The following DMKN variants were observed in gnomAD, a reference collection of about 807,000 sequenced individuals.
DMKN encodes dermokine.
Under a neutral mutation model 67.6 loss-of-function variants are expected in DMKN, and 58 were observed. The ratio of observed to expected loss-of-function variants is 0.86; its 90% CI spans 0.69 to 1.07. The LOEUF is 1.07. Ranked by LOEUF, DMKN falls within the 50% of genes least tolerant of loss-of-function variation. The pLI, the probability that DMKN is intolerant of heterozygous loss-of-function variation, is 0.00. For missense variants in DMKN, 596 were observed against 601.5 expected, an observed-to-expected ratio of 0.99 and a Z score of 0.10; for synonymous variants, 240 against 232.3, an observed-to-expected ratio of 1.03 and a Z score of -0.30.
chr19:35,513,130 G>A lies in DMKN; in HGVS notation c.346C>T (p.Gln116Ter). Residue 116 changes from glutamine (Q) to a stop codon, truncating the protein, a stop_gained, in exon 1 of 16, where the codon CAG (glutamine) becomes TAG (stop). Transcript: ENST00000339686. LOFTEE classifies it high-confidence loss of function. ...LGNTGHEIGR[Q>*]AEDVIRHGAD... Reference sequence around the variant, plus strand: ...CCGTGTCGAATGACATCTTCTGCCTGTCTGCCAATCTCGTGCCCAGTGTTT... The same window carrying A: ...CCGTGTCGAATGACATCTTCTGCCTATCTGCCAATCTCGTGCCCAGTGTTT... 1 of 1,614,166 alleles carries A rather than the reference G, an allele frequency of 6.2e-7. No homozygotes were observed. The highest frequency in any genetic ancestry group is 8.5e-7 in the Non-Finnish European group (1 of 1,180,032).
chr19:35,504,692 A>G (rs890611193), intron 9 of DMKN, among the ~76,000 whole-genome samples: 3 of 152,094 alleles, frequency 2.0e-5, no homozygotes, highest in African/African-American at 4.8e-5. Flanking sequence ...TGTCTCCTCA[A>G]TCTCCTTCCT....
At chr19:35,508,388 A>G in intron 7 of DMKN, 1 of 866,038 alleles carries the variant, frequency 1.2e-6, no homozygotes, top group South Asian at 1.9e-5. Flanking sequence ...TTTTTTTAGG[A>G]GAATGAAAGT....
rs2069356370 is a variant in DMKN, at chr19:35,505,762, A to C, written c.1090T>G (p.Phe364Val). 2 of 1,614,056 alleles carry C rather than the reference A, an allele frequency of 1.2e-6. No homozygotes were observed. The highest frequency in any genetic ancestry group is 1.3e-5 in the African/African-American group (1 of 74,910). ...MFNFDTFWKN[F>V]KSKLGFINWD... ...TTGATGAAACCCAGCTTGGATTTAA[A>C]ATTCTATGGAGGAAACAAAAAGAAG... Residue 364 changes from phenylalanine (F) to valine (V), a missense_variant, in exon 9 of 16, where the codon TTT becomes GTT. By Grantham distance (50) the Phe-to-Val change is conservative. Transcript: ENST00000339686.
chr19:35,500,127 T>C lies in DMKN; in HGVS notation c.1288-98A>G, dbSNP rs536956004. The C allele has an allele frequency of 4.2e-6, 6 of 1,411,896 alleles. No homozygotes were observed. The African/African-American group carries it at 8.5e-5, about 20-fold the overall frequency. 87.5% of individuals were successfully genotyped at this position (1,411,896 alleles called of 1,614,324 possible). ...CTTCCTGCCTGGACCAGACCTTTCCTAAAACACCTGCCTGCTCCCCTCCTT... is the reference window on the plus strand; with the variant it reads ...CTTCCTGCCTGGACCAGACCTTTCCCAAAACACCTGCCTGCTCCCCTCCTT... On this transcript the variant is annotated intron_variant, in intron 12 of 15. Coordinates refer to ENST00000339686, the MANE Select transcript of DMKN (RefSeq NM_033317.5).
rs199524471 is a variant in DMKN, at chr19:35,498,762, G to A, written c.1385C>T (p.Ala462Val). ...AKGGVSPSSSASRVQPGLLQW... is the reference protein window; with the variant it reads ...AKGGVSPSSSVSRVQPGLLQW... ...CAGCAGGCCAGGTTGCACCCGGGAA[G>A]CCTGCCAGAAAAAGAGAAAGTCTGA... Residue 462 changes from alanine (A) to valine (V), a missense_variant and splice_region_variant, in exon 15 of 16, where the codon GCT becomes GTT. Physicochemically the swap from Ala to Val is moderately conservative, Grantham distance 64 (BLOSUM62 0). Coordinates refer to ENST00000339686, the MANE Select transcript of DMKN (RefSeq NM_033317.5). 76 of 1,614,112 alleles carry A rather than the reference G, an allele frequency of 4.7e-5. No homozygotes were observed. The highest frequency in any genetic ancestry group is 5.6e-5 in the Non-Finnish European group (66 of 1,180,048).
chr19:35,512,901 G>T, intron 1 of DMKN, 111 bp from the exon 2 acceptor site: 2 of 1,503,968 alleles, frequency 1.3e-6, no homozygotes, highest in Non-Finnish European at 1.8e-6. Flanking sequence ...GGACTCCAGG[G>T]TGGCATAGGA....
At chr19:35,508,279 G>T in intron 7 of DMKN, 1 of 1,550,672 alleles carries the variant, frequency 6.4e-7, no homozygotes, top group Non-Finnish European at 8.7e-7. Context: ...CCCTGCTGAA[G>T]ATCCTGAGGC....
chr19:35,512,360 C>T, intron 3 of DMKN, 61 bp downstream of exon 3: 6 of 1,585,924 alleles, frequency 3.8e-6, no homozygotes, highest in Non-Finnish European at 5.1e-6. Flanking sequence ...TTGTCTTTCC[C>T]CAGCTCTCTG....
chr19:35,500,572 G>A lies in DMKN; in HGVS notation c.1248C>T (p.Asp416=), dbSNP rs781252940. 52 of 1,609,114 alleles carry A rather than the reference G, an allele frequency of 3.2e-5. No homozygotes were observed. The highest frequency in any genetic ancestry group is 3.2e-4 in the African/African-American group (24 of 74,820). ...CTGCACGTTTCTGCAGTGATGACGC[G>A]TCCGCACCCTGAAAGGAAGAAGGGG... ...LNWKAIIEGA[D]ASSLQKRAGR... The change falls in exon 12 of 16, where the codon GAC becomes GAT. Residue 416 remains aspartate, a synonymous_variant. Transcript: ENST00000339686.
Position 35,510,171 on chromosome 19 carries a change from G to A in DMKN, c.987+13C>T, listed in dbSNP as rs779089785. The A allele has an allele frequency of 6.2e-7, 1 of 1,603,204 alleles. No individual in the cohort carries two copies. The highest frequency in any genetic ancestry group is 8.5e-7 in the Non-Finnish European group (1 of 1,174,822). ...TTCCCGCGGTTGGTGGGAGATTCAC[G>A]CCAGCCACTCACCCCGGGTTTATGT... is the stretch of plus-strand genomic sequence containing the variant. On this transcript the variant is annotated intron_variant, in intron 6 of 15. Transcript: ENST00000339686.
intron 12 of DMKN, chr19:35,500,328 G>A: frequency 6.5e-7 from 1 of 1,542,162 alleles, no homozygotes; most frequent in Non-Finnish European, 8.8e-7. Context: ...AGGAGACCAA[G>A]AAAAGAAGTG....
At chr19:35,510,059 C>T in intron 6 of DMKN, 98 bp from the exon 7 acceptor site, 1 of 1,579,552 alleles carries the variant, frequency 6.3e-7, no homozygotes, top group East Asian at 2.3e-5. Context: ...GAGCCGCTTC[C>T]GCTCCACCTC....
chr19:35,497,982 G>C lies in DMKN; in HGVS notation c.*1-444C>G, dbSNP rs533432758. The C allele has an allele frequency of 2.6e-5, 4 of 151,978 alleles. No individual in the cohort carries two copies. The East Asian group carries it at 7.7e-4, about 29-fold the overall frequency. 9.4% of individuals were successfully genotyped at this position (151,978 alleles called of 1,614,324 possible). On this transcript the variant is annotated intron_variant, in intron 15 of 15. Coordinates refer to ENST00000339686, the MANE Select transcript of DMKN (RefSeq NM_033317.5). The stretch of plus-strand genomic sequence containing the variant: ...CTTTCTCTCTTTCTTTCCAGACAGG[G>C]TCTCCCTCTGTTGCCCAGACTTGGA...
chr19:35,502,046 G>A lies in DMKN; in HGVS notation c.1239+90C>T, dbSNP rs2068486684. On this transcript the variant is annotated intron_variant, in intron 11 of 15. Transcript: ENST00000339686. ...AAAGCCTGGGAAAGTGGGAAGGGAG[G>A]GGAAGAAACTGGGACAGACACCTGG... 6 of 1,602,782 alleles carry A rather than the reference G, an allele frequency of 3.7e-6. No individual in the cohort carries two copies. The South Asian group carries it at 6.6e-5, about 18-fold the overall frequency.
chr19:35,510,379 C>A, intron 5 of DMKN, 127 bp from the exon 6 acceptor site: 1 of 1,552,416 alleles, frequency 6.4e-7, no homozygotes, highest in Non-Finnish European at 8.7e-7. Context: ...ACCTCCAGAC[C>A]TTCCCCCTCT....
rs1568640044 is a variant in DMKN at position 35,511,537 on chromosome 19, G to T, written c.792C>A (p.Asn264Lys). ...SSGSGSNGDN[N>K]NGSSSGGSSS... ...TGCTGCCACCACTGCTGCTGCCATTGTTGTTGTCACCATTGCTGCCACTGC... is the reference window on the plus strand; with the variant it reads ...TGCTGCCACCACTGCTGCTGCCATTTTTGTTGTCACCATTGCTGCCACTGC... The change falls in exon 5 of 16, where the codon AAC (asparagine) becomes AAA (lysine). Residue 264 changes from asparagine to lysine, a missense_variant. Transcript: ENST00000339686. 1.3e-6 allele frequency: 2 copies of T among 1,589,296 alleles called. No individual in the cohort carries two copies. Among genetic ancestry groups the T allele is most frequent in the Non-Finnish European group, 8.6e-7 (1 of 1,167,652 alleles).
chr19:35,505,730 A>G lies in DMKN; in HGVS notation c.1122T>C (p.Asp374=), dbSNP rs1428871472. 1 of 1,614,174 alleles carries G rather than the reference A, an allele frequency of 6.2e-7. No individual in the cohort carries two copies. The highest frequency in any genetic ancestry group is 1.1e-5 in the South Asian group (1 of 91,086). The part of the protein sequence containing the change: ...FKSKLGFINW[D]AINKNQVPPP... ...GTCCAGCCCTTACCTTGTTTATGGC[A>G]TCCCAGTTGATGAAACCCAGCTTGG... The change falls in exon 9 of 16, where the codon GAT becomes GAC. Residue 374 remains aspartate (D), a synonymous_variant. Coordinates refer to ENST00000339686, the MANE Select transcript of DMKN (RefSeq NM_033317.5).
chr19:35,499,734 T>A (rs1442815887), intron 13 of DMKN, among the ~76,000 whole-genome samples: 2 of 152,172 alleles, frequency 1.3e-5, no homozygotes, highest in Non-Finnish European at 2.9e-5. Context: ...TTTAACCTTT[T>A]CTGACTGGGT....
intron 11 of DMKN, 73 bp downstream of exon 11, chr19:35,502,063 G>C: frequency 6.2e-7 from 1 of 1,608,868 alleles, no homozygotes; most frequent in South Asian, 1.1e-5. Context: ...AACTGGGACA[G>C]ACACCTGGGT....
Sources: gnomAD v4.1 joint callset for allele counts (sites outside exome capture counted in the v4.1 genomes callset) on GRCh38, gnomAD v4.1.1 for gene constraint, MANE v1.5 for transcripts, NCBI Gene and HGNC (gene_info 2026-07-23, HGNC 2026-07-21) for gene names.